The following GFM2 variants were observed in gnomAD, a reference collection of about 807,000 sequenced individuals.
GFM2 encodes the protein GTP dependent ribosome recycling factor mitochondrial 2.
A neutral mutation model predicts 95.4 loss-of-function variants in GFM2; 72 were observed. The ratio of observed to expected loss-of-function variants is 0.76; its 90% CI spans 0.62 to 0.92. The LOEUF (loss-of-function observed/expected upper bound fraction) is 0.92. GFM2 is among the 40% of genes least tolerant of loss of function. The probability of loss-of-function intolerance (pLI) is 0.00; values close to 1 mark genes in which losing one functional copy is unlikely to be tolerated. For missense variants in GFM2, 825 were observed against 924.1 expected, an observed-to-expected ratio of 0.89 and a Z score of 1.39; for synonymous variants, 276 against 317.5, an observed-to-expected ratio of 0.87 and a Z score of 1.39.
rs944161379 is a variant in GFM2, at chr5:74,765,982, A to G, written c.-25+956T>C. 4.7e-5 allele frequency among the ~76,000 whole-genome samples: 7 copies of G among 149,748 alleles called. No homozygotes were observed. In the South Asian group the frequency reaches 1.5e-3, roughly 32 times the overall value. ...CATTTGCACTCCAGCCTGTGCGACA[A>G]GATTGAAACTCCGTCTCAAAACAAA... On this transcript the variant is annotated intron_variant, in intron 1 of 20. Coordinates refer to ENST00000296805, the MANE Select transcript of GFM2 (RefSeq NM_032380.5).
chr5:74,726,367 T>C (rs998263128), intron 17 of GFM2, among the ~76,000 whole-genome samples: 5 of 152,198 alleles, frequency 3.3e-5, no homozygotes, highest in African/African-American at 1.2e-4. Flanking sequence ...GTTTTAACAT[T>C]AAGATATGTT....
chr5:74,727,818 A>G (rs1005900361), intron 17 of GFM2, among the ~76,000 whole-genome samples: 2 of 152,210 alleles, frequency 1.3e-5, no homozygotes, highest in Non-Finnish European at 2.9e-5. Flanking sequence ...CAATACATGT[A>G]TACATCGTGG....
chr5:74,745,710 T>G lies in GFM2; in HGVS notation c.817A>C (p.Thr273Pro). 1 of 1,613,230 alleles carries G rather than the reference T, an allele frequency of 6.2e-7. No homozygotes were observed. Among genetic ancestry groups the G allele is most frequent in the Non-Finnish European group, 8.5e-7 (1 of 1,179,706 alleles). The change falls in exon 10 of 21, where the codon ACA (threonine) becomes CCA (proline). Residue 273 changes from threonine (T) to proline (P), a missense_variant. Physicochemically the swap from Thr to Pro is conservative, Grantham distance 38. Coordinates refer to ENST00000296805, the MANE Select transcript of GFM2 (RefSeq NM_032380.5). ...EMNDPELLKETTEARNALIEQ... is the reference protein window; with the variant it reads ...EMNDPELLKEPTEARNALIEQ... Reference sequence around the variant, plus strand: ...ATTAAGGCATTCCTTGCTTCAGTTGTTTCCTTCAGCAATTCAGGATCATTC... The same window carrying G: ...ATTAAGGCATTCCTTGCTTCAGTTGGTTCCTTCAGCAATTCAGGATCATTC...
At chr5:74,746,847 T>C (rs2112301398) in intron 8 of GFM2, among the ~76,000 whole-genome samples, 1 of 152,230 alleles carries the variant, frequency 6.6e-6, no homozygotes, top group African/African-American at 2.4e-5. Flanking sequence ...AACTTGAGGC[T>C]AGTACATTTT....
intron 15 of GFM2, 153 bp from the exon 16 acceptor site, chr5:74,733,251 GA>G: frequency 3.0e-5 from 17 of 568,402 alleles, no homozygotes; most frequent in Non-Finnish European, 4.7e-5. Context: ...AGCACTTTGG[GA>G]AGCCAAGACA....
intron 20 of GFM2, 62 bp downstream of exon 20, chr5:74,722,317 A>G: frequency 7.8e-7 from 1 of 1,282,794 alleles, no homozygotes; most frequent in Non-Finnish European, 1.1e-6. Flanking sequence ...TTGTCTATTC[A>G]TTGGCATATA....
chr5:74,737,384 A>G (rs549574209), intron 14 of GFM2, among the ~76,000 whole-genome samples: 1 of 152,212 alleles, frequency 6.6e-6, no homozygotes, highest in Non-Finnish European at 1.5e-5. Context: ...TATATAATTA[A>G]CCAGAATACC....
chr5:74,738,935 A>G (rs969697593), intron 12 of GFM2, among the ~76,000 whole-genome samples: 1 of 152,146 alleles, frequency 6.6e-6, no homozygotes, highest in Non-Finnish European at 1.5e-5. Flanking sequence ...TGGGAATATC[A>G]CACTACTTAT....
chr5:74,725,814 A>G, intron 18 of GFM2, 59 bp from the exon 19 acceptor site: 1 of 1,452,256 alleles, frequency 6.9e-7, no homozygotes, highest in Non-Finnish European at 9.7e-7. Flanking sequence ...GAAGTAACTG[A>G]GAAGTGCAAA....
chr5:74,767,109 A>G lies in GFM2; in HGVS notation c.-196T>C. 1 of 481,404 alleles carries G rather than the reference A, an allele frequency of 2.1e-6. No individual in the cohort carries two copies. The highest frequency in any genetic ancestry group is 3.3e-5 in the South Asian group (1 of 30,504). The allele number at this position is 481,404 out of a possible 1,614,324, so 29.8% of individuals were successfully genotyped here. A position where few individuals can be genotyped will look rare whatever the true frequency, so the allele number is the denominator to read the frequency against. On this transcript the variant is annotated 5_prime_UTR_variant, in exon 1 of 21. Transcript: ENST00000296805. ...CTTTCTCCGCTCTACCGCCTCGGGC[A>G]GCCACACCTCCACACTTCCGGCGGT... is the stretch of plus-strand genomic sequence containing the variant.
intron 1 of GFM2, among the ~76,000 whole-genome samples, chr5:74,765,781 G>T (rs1451936872): frequency 6.6e-6 from 1 of 152,042 alleles, no homozygotes; most frequent in Non-Finnish European, 1.5e-5. Flanking sequence ...TGGATCACCT[G>T]AAGTCAGGAG....
chr5:74,728,081 AT>A (rs1349669506), intron 17 of GFM2, among the ~76,000 whole-genome samples: 4 of 152,078 alleles, frequency 2.6e-5, no homozygotes, highest in Admixed American at 6.6e-5. Context: ...AGTTCCACAT[AT>A]GTGAGATCAT....
intron 1 of GFM2, among the ~76,000 whole-genome samples, chr5:74,764,793 T>G (rs1048604773): frequency 1.4e-5 from 2 of 141,854 alleles, no homozygotes; most frequent in Admixed American, 6.9e-5. Context: ...TTTTTTTTTT[T>G]TTTTTTTTTT....
chr5:74,746,912 A>C (rs1168216513), intron 8 of GFM2, among the ~76,000 whole-genome samples: 1 of 152,170 alleles, frequency 6.6e-6, no homozygotes, highest in Non-Finnish European at 1.5e-5. Flanking sequence ...AAACAGCCTC[A>C]GAATTACTAT....
chr5:74,747,124 T>C (rs962282453), intron 8 of GFM2, among the ~76,000 whole-genome samples: 1 of 152,216 alleles, frequency 6.6e-6, no homozygotes, highest in Non-Finnish European at 1.5e-5. Context: ...CTGAATTATA[T>C]TCCCAGGACA....
intron 8 of GFM2, among the ~76,000 whole-genome samples, chr5:74,747,284 G>A (rs1743435695): frequency 6.6e-6 from 1 of 152,124 alleles, no homozygotes; most frequent in Admixed American, 6.6e-5. Context: ...AAGAAAATCA[G>A]AGAATATGGA....
At chr5:74,758,074 T>C (rs1172043437) in intron 5 of GFM2, among the ~76,000 whole-genome samples, 3 of 152,180 alleles carry the variant, frequency 2.0e-5, no homozygotes, top group African/African-American at 4.8e-5. Flanking sequence ...ATAGTTAAGA[T>C]GGTAAATTTT....
At chr5:74,759,263 G>A in intron 4 of GFM2, 106 bp downstream of exon 4, 1 of 716,210 alleles carries the variant, frequency 1.4e-6, no homozygotes, top group Non-Finnish European at 2.4e-6. Flanking sequence ...AAATTGGCTA[G>A]GGCAGAAAGT....
Position 74,750,594 on chromosome 5 carries a change from G to A in GFM2, c.504C>T (p.Ala168=). 4 of 1,611,964 alleles carry A rather than the reference G, an allele frequency of 2.5e-6. No homozygotes were observed. The highest frequency in any genetic ancestry group is 2.5e-6 in the Non-Finnish European group (3 of 1,178,408). ...TATTATTTACCTCTACACCAGCAGA[G>A]GCATCAAATACAGCCACTGCACCAT... ...VLDGAVAVFD[A]SAGVEAQTLT... is the part of the protein sequence containing the mutation. Residue 168 remains alanine (A), a synonymous_variant, in exon 7 of 21, where the codon GCC becomes GCT. Transcript: ENST00000296805.
Sources: allele counts gnomAD v4.1 joint callset (sites outside exome capture counted in the v4.1 genomes callset), GRCh38; gene constraint gnomAD v4.1.1; transcripts MANE v1.5; gene names NCBI Gene and HGNC (gene_info 2026-07-23, HGNC 2026-07-21).